SNED1: variants seen among roughly 807,000 people sequenced by gnomAD.
SNED1 encodes sushi, nidogen and EGF-like domain-containing protein 1.
SNED1 carries 81 observed loss-of-function variants against 166.7 expected under a neutral mutation model. The observed-to-expected ratio is 0.49, with a 90% confidence interval of 0.41 to 0.58. The LOEUF (loss-of-function observed/expected upper bound fraction) is 0.58. SNED1 is among the 20% of genes least tolerant of loss of function. SNED1 has a pLI of 0.00. For missense variants in SNED1, 1,604 were observed against 2,000.2 expected (o/e 0.80, Z 3.78); for synonymous variants, 762 against 822.0 (o/e 0.93, Z 1.25).
chr2:241,037,086 C>G, intron 5 of SNED1, 154 bp from the exon 6 acceptor site: 1 of 1,020,416 alleles, frequency 9.8e-7, no homozygotes, highest in South Asian at 1.6e-5. Context: ...GCCATGGCCC[C>G]CTGGAGTGAG....
intron 16 of SNED1, among the ~76,000 whole-genome samples, chr2:241,058,019 G>A (rs2062114299): frequency 6.6e-6 from 1 of 152,146 alleles, no homozygotes; most frequent in Non-Finnish European, 1.5e-5. Context: ...CCAGGTGAGA[G>A]ATTGCCAGAT....
chr2:241,066,119 C>T (rs1275121451), intron 21 of SNED1, among the ~76,000 whole-genome samples: 2 of 152,194 alleles, frequency 1.3e-5, no homozygotes, highest in Non-Finnish European at 2.9e-5. Context: ...GACCCAGAGC[C>T]TCCACCTGGA....
chr2:241,004,792 G>A (rs140169024), intron 1 of SNED1, among the ~76,000 whole-genome samples: 7 of 152,024 alleles, frequency 4.6e-5, no homozygotes, highest in African/African-American at 9.6e-5. Flanking sequence ...GCGTGATCTC[G>A]GCTCACTGCA....
intron 1 of SNED1, among the ~76,000 whole-genome samples, chr2:241,012,937 G>T (rs937143969): frequency 4.6e-5 from 7 of 150,920 alleles, no homozygotes; most frequent in Non-Finnish European, 7.4e-5. Flanking sequence ...CTGGGTTCAC[G>T]CCATCCTCCT....
intron 1 of SNED1, among the ~76,000 whole-genome samples, chr2:241,023,887 C>CT (rs2060846825): frequency 1.4e-5 from 1 of 71,656 alleles, no homozygotes; most frequent in African/African-American, 7.7e-5. Flanking sequence ...CTTTTTTTTT[C>CT]CTTTTTTTTT....
In SNED1 at chr2:240,999,117, C is replaced by A. The variant is rs2059999670; in HGVS notation, c.213+67C>A. On this transcript the variant is annotated intron_variant, in intron 1 of 31. Coordinates refer to ENST00000310397, the MANE Select transcript of SNED1 (RefSeq NM_001080437.3). The surrounding 1 kb of genome is among the most constrained non-coding windows in gnomAD (Gnocchi z 5.8). ...GAGCTGCGCCCCGGCCGCTGCCCGC[C>A]GGGCCCGGACTCCCGCCGCCGCCGC... 2.0e-6 allele frequency: 2 copies of A among 1,011,690 alleles called. No individual in the cohort carries two copies. The highest frequency in any genetic ancestry group is 3.7e-5 in the East Asian group (1 of 27,096). The allele number at this position is 1,011,690 out of a possible 1,614,324, so 62.7% of individuals were successfully genotyped here.
At position 241,071,570 on chromosome 2, in the gene SNED1, C is replaced by A; in HGVS notation, c.3590-6C>A. The A allele has an allele frequency of 6.3e-7, 1 of 1,579,432 alleles. No individual in the cohort carries two copies. The highest frequency in any genetic ancestry group is 1.2e-5 in the South Asian group (1 of 86,800). ...GACCAGCCCCTTCCTCCTGCCTGCT[C>A]TGCAGCCCCCAGGGATGGCGCTGAC... On this transcript the variant is annotated splice_polypyrimidine_tract_variant and splice_region_variant and intron_variant, in intron 24 of 31. Coordinates refer to ENST00000310397, the MANE Select transcript of SNED1 (RefSeq NM_001080437.3).
rs796993827 is a variant in SNED1, at chr2:241,052,698, G to A, written c.2083+230G>A. 3.1e-3 allele frequency among the ~76,000 whole-genome samples: 215 copies of A among 69,066 alleles called. 44 individuals carry two copies. In the East Asian group the frequency reaches 0.073, roughly 23 times the overall value. The allele number at this position is 69,066 out of a possible 152,430, so 45.3% of individuals were successfully genotyped here. A position where few individuals can be genotyped will look rare whatever the true frequency, so the allele number is the denominator to read the frequency against. ...GCAGGTGAGAGGGTCGGCGGGGGGG[G>A]GGGGGGTCAAGCAGGGTACATGGGA... On this transcript the variant is annotated intron_variant, in intron 15 of 31. Transcript: ENST00000310397.
intron 4 of SNED1, among the ~76,000 whole-genome samples, chr2:241,035,300 A>AG (rs1176885538): frequency 6.6e-6 from 1 of 152,148 alleles, no homozygotes; most frequent in Admixed American, 6.5e-5. Context: ...TCACGTCTAC[A>AG]GGGGAGTTCC....
chr2:241,068,013 GC>G lies in SNED1; in HGVS notation c.3194+69del. On this transcript the variant is annotated intron_variant, in intron 22 of 31. Transcript: ENST00000310397. This position sits in a 1 kb window ranked among gnomAD's most constrained non-coding sequence, Gnocchi z 5.3. Reference sequence around the variant, plus strand: ...AGGGGTGGGGGCTCGGGGACACGGGGCCCAGGTCTCGGGCACATTCTCCGTG... The same window carrying G: ...AGGGGTGGGGGCTCGGGGACACGGGGCCAGGTCTCGGGCACATTCTCCGTG... 6.9e-7 allele frequency: 1 copy of G among 1,439,726 alleles called. No homozygotes were observed. Among genetic ancestry groups the G allele is most frequent in the African/African-American group, 1.4e-5 (1 of 71,118 alleles). The allele number at this position is 1,439,726 out of a possible 1,614,324, so 89.2% of individuals were successfully genotyped here. A position where few individuals can be genotyped will look rare whatever the true frequency, so the allele number is the denominator to read the frequency against.
At position 241,066,728 on chromosome 2, in the gene SNED1, C is replaced by T. The variant is rs567717263; in HGVS notation, c.3011-1036C>T. ...TGAGTTTGGTGAAACCTATGGGTAG[C>T]ATGGCGGGTAGGTGGGGAGGAGCTC... On this transcript the variant is annotated intron_variant, in intron 21 of 31. Transcript: ENST00000310397. Among the ~76,000 whole-genome samples, 9 of 152,286 alleles carry T rather than the reference C, an allele frequency of 5.9e-5. No individual in the cohort carries two copies. The East Asian group carries it at 1.2e-3, about 20-fold the overall frequency.
At chr2:241,031,918 C>G (rs752339569) in intron 2 of SNED1, among the ~76,000 whole-genome samples, 1 of 152,222 alleles carries the variant, frequency 6.6e-6, no homozygotes, top group Non-Finnish European at 1.5e-5. Flanking sequence ...ACCTGCACCC[C>G]ATGACTGGAC....
At chr2:241,012,831 T>C (rs554791230) in intron 1 of SNED1, among the ~76,000 whole-genome samples, 1 of 151,696 alleles carries the variant, frequency 6.6e-6, no homozygotes, top group East Asian at 1.9e-4. Flanking sequence ...TTTTCTTTTT[T>C]TTTTTTTTTT....
chr2:241,020,769 G>A (rs1416278607), intron 1 of SNED1, among the ~76,000 whole-genome samples: 1 of 152,152 alleles, frequency 6.6e-6, no homozygotes, highest in African/African-American at 2.4e-5. Flanking sequence ...GCTGCTGCTG[G>A]ACTGGGAAAT....
chr2:241,047,693 C>A (rs1389652335), intron 8 of SNED1, among the ~76,000 whole-genome samples: 1 of 152,254 alleles, frequency 6.6e-6, no homozygotes, highest in Non-Finnish European at 1.5e-5. Context: ...GTTTGGAGGC[C>A]CCTGGCCCCT....
rs2062374630 is a variant in SNED1, at chr2:241,064,867, C to T, written c.2623C>T (p.Pro875Ser). 1.3e-6 allele frequency: 2 copies of T among 1,589,368 alleles called. No homozygotes were observed. Among genetic ancestry groups the T allele is most frequent in the Non-Finnish European group, 1.7e-6 (2 of 1,172,926 alleles). ...ETVSDPCFSS[P>S]CGGRGYCLAS... ...AGTGAGTGACCCCTGCTTCTCCAGC[C>T]CCTGTGGGGGCCGTGGCTATTGCCT... Residue 875 changes from proline (P) to serine (S), a missense_variant, in exon 20 of 32, where the codon CCC (proline) becomes TCC (serine). By Grantham distance (74) the Pro-to-Ser change is moderately conservative (BLOSUM62 -1). Around this residue, in one of 2 missense-constraint regions of SNED1, gnomAD observed 1,237 missense variants for 1,620.8 expected, o/e 0.76. Coordinates refer to ENST00000310397, the MANE Select transcript of SNED1 (RefSeq NM_001080437.3). This position sits in a 1 kb window ranked among gnomAD's most constrained non-coding sequence, Gnocchi z 7.0.
intron 12 of SNED1, 80 bp downstream of exon 12, chr2:241,050,013 C>G (rs752698250): frequency 3.9e-6 from 4 of 1,038,914 alleles, no homozygotes; most frequent in African/African-American, 3.1e-5. Flanking sequence ...TCTCTGCTGT[C>G]TCTCTCCTTG....
At chr2:241,025,870 T>G (rs1364180847) in intron 1 of SNED1, among the ~76,000 whole-genome samples, 1 of 152,044 alleles carries the variant, frequency 6.6e-6, no homozygotes, top group East Asian at 1.9e-4. Context: ...GGTAACCTGT[T>G]TTTTTCTTTT....
At chr2:241,053,376 C>T in intron 16 of SNED1, 50 bp downstream of exon 16, 1 of 1,503,218 alleles carries the variant, frequency 6.7e-7, no homozygotes. Context: ...ACACCCTCCT[C>T]ATCCTGGCCA....
Sources: allele counts gnomAD v4.1 joint callset (sites outside exome capture counted in the v4.1 genomes callset), GRCh38; gene constraint gnomAD v4.1.1; regional missense constraint gnomAD v4.1.1; non-coding constraint Gnocchi (gnomAD v3.1); transcripts MANE v1.5; gene names NCBI Gene and HGNC (gene_info 2026-07-23, HGNC 2026-07-21).